Variants in TTLL9 observed in about 807,000 individuals in gnomAD.
The protein encoded by TTLL9 is probable tubulin polyglutamylase TTLL9.
A neutral mutation model predicts 65.6 loss-of-function variants in TTLL9; 47 were observed. The observed-to-expected ratio is 0.72, with a 90% CI of 0.57 to 0.91. The LOEUF is 0.91. TTLL9 is among the 40% of genes least tolerant of loss of function. The pLI is 0.00. For synonymous variants in TTLL9, 179 were observed against 204.8 expected, an observed-to-expected ratio of 0.87 and a Z score of 1.07; for missense variants, 537 against 568.8, an observed-to-expected ratio of 0.94 and a Z score of 0.57.
chr20:31,884,218 A>ATTAT (rs138716259), intron 2 of TTLL9: 15 of 386,550 alleles, frequency 3.9e-5, no homozygotes, highest in East Asian at 7.6e-5. Context: ...CCTTATAGTT[A>ATTAT]TTATTTATTT....
intron 4 of TTLL9, among the ~76,000 whole-genome samples, chr20:31,899,472 A>AT (rs199979209): frequency 0.036 from 5,523 of 152,140 alleles, 176 homozygotes; most frequent in Admixed American, 0.086. Flanking sequence ...TCTACAAAAA[A>AT]TTTTTTAAAA....
At chr20:31,919,747 A>T in intron 6 of TTLL9, 117 bp from the exon 7 acceptor site, 1 of 737,334 alleles carries the variant, frequency 1.4e-6, no homozygotes, top group Non-Finnish European at 2.1e-6. Context: ...CTCTGGGGAG[A>T]GTTGGGGGTT....
At chr20:31,884,713 C>CA (rs1262520165) in intron 2 of TTLL9, among the ~76,000 whole-genome samples, 2 of 152,242 alleles carry the variant, frequency 1.3e-5, no homozygotes, top group African/African-American at 4.8e-5. Flanking sequence ...GTGACTCTGA[C>CA]ACTCTGACAT....
At chr20:31,875,412 C>A (rs937682578) in intron 2 of TTLL9, among the ~76,000 whole-genome samples, 1 of 151,446 alleles carries the variant, frequency 6.6e-6, no homozygotes, top group Non-Finnish European at 1.5e-5. Context: ...GCTATGTTTC[C>A]ACATCTGTGA....
chr20:31,896,152 A>G (rs2063384816), intron 3 of TTLL9, among the ~76,000 whole-genome samples: 1 of 151,612 alleles, frequency 6.6e-6, no homozygotes, highest in Non-Finnish European at 1.5e-5. Flanking sequence ...ATTTTTTTGT[A>G]TTTTTAGTAG....
intron 6 of TTLL9, among the ~76,000 whole-genome samples, chr20:31,914,601 A>G (rs2063706110): frequency 6.6e-6 from 1 of 152,246 alleles, no homozygotes; most frequent in East Asian, 1.9e-4. Context: ...GCTGGTGAGA[A>G]AAAATGGGGA....
At chr20:31,890,154 C>CCTTCTTTCTTTCTTTCTTTCTTTCT (rs2063281123) in intron 3 of TTLL9, among the ~76,000 whole-genome samples, 1 of 13,578 alleles carries the variant, frequency 7.4e-5, no homozygotes, top group Non-Finnish European at 1.3e-4. Flanking sequence ...TCCTTCCTTC[C>CCTTCTTTCTTTCTTTCTTTCTTTCT]TTCTTTCTTT....
At chr20:31,924,244 C>T (rs1240661377) in intron 8 of TTLL9, among the ~76,000 whole-genome samples, 1 of 152,162 alleles carries the variant, frequency 6.6e-6, no homozygotes, top group Non-Finnish European at 1.5e-5. Context: ...TTCACTCCAC[C>T]CCAACGTGGC....
intron 2 of TTLL9, chr20:31,879,462 C>T (rs940736507): frequency 5.3e-6 from 1 of 188,608 alleles, no homozygotes; most frequent in East Asian, 1.4e-4. Context: ...GCCGCGTTAC[C>T]GACTGACCAA....
chr20:31,871,110 T>A lies in TTLL9; in HGVS notation c.-5-12T>A. ...CCTCTCACTCCTTCCTTCCATCCATTTCGGCCCCTAGGAGGGATGGTGCCA... is the reference window on the plus strand; with the variant it reads ...CCTCTCACTCCTTCCTTCCATCCATATCGGCCCCTAGGAGGGATGGTGCCA... On this transcript the variant is annotated splice_polypyrimidine_tract_variant and intron_variant, in intron 1 of 14. Transcript: ENST00000535842. 6.2e-7 allele frequency: 1 copy of A among 1,613,534 alleles called. No homozygotes were observed. The highest frequency in any genetic ancestry group is 8.5e-7 in the Non-Finnish European group (1 of 1,179,580).
intron 12 of TTLL9, among the ~76,000 whole-genome samples, chr20:31,935,292 C>T (rs550745840): frequency 6.6e-6 from 1 of 152,330 alleles, no homozygotes; most frequent in African/African-American, 2.4e-5. Context: ...CTTTGATCCA[C>T]TCCCAAGATG....
rs2064057770 is a variant in TTLL9 at position 31,933,739 on chromosome 20, T to C, written c.749-61T>C. 5.2e-6 allele frequency: 8 copies of C among 1,549,084 alleles called. No homozygotes were observed. In the East Asian group the frequency reaches 6.8e-5, roughly 13 times the overall value. ...CAATTCTCAGTTCAGTCCTGGGGAC[T>C]TCGTGGGGCAGAGCTCACCCTTTTT... On this transcript the variant is annotated intron_variant, in intron 10 of 14. Transcript: ENST00000535842.
Position 31,910,234 on chromosome 20 carries a change from G to A in TTLL9, c.504+312G>A, listed in dbSNP as rs373831467. ...ACCCCAGTCCTCATAGTGACCCTCGGGGGAGGGATCAACAGCCCCATTTTA... is the reference window on the plus strand; with the variant it reads ...ACCCCAGTCCTCATAGTGACCCTCGAGGGAGGGATCAACAGCCCCATTTTA... On this transcript the variant is annotated intron_variant, in intron 6 of 14. Coordinates refer to ENST00000535842, the MANE Select transcript of TTLL9 (RefSeq NM_001008409.5). Among the ~76,000 whole-genome samples the A allele has an allele frequency of 2.8e-4, 43 of 152,304 alleles. No individual in the cohort carries two copies. In the South Asian group the frequency reaches 3.9e-3, roughly 14 times the overall value.
rs141502300 is a variant in TTLL9 at position 31,927,128 on chromosome 20, A to ATC, written c.748+1049_748+1050dup. 2.1e-4 allele frequency among the ~76,000 whole-genome samples: 32 copies of ATC among 149,022 alleles called. No individual in the cohort carries two copies. In the East Asian group the frequency reaches 2.9e-3, roughly 14 times the overall value. On this transcript the variant is annotated intron_variant, in intron 10 of 14. Transcript: ENST00000535842. ...AGACTGTATGTCAAAAAAAAAAAAA[A>ATC]TCTCTCTCTCTCTGTCTATATATAT...
At chr20:31,940,715 T>C (rs918850019) in intron 14 of TTLL9, 2 of 152,266 alleles carry the variant, frequency 1.3e-5, no homozygotes, top group Non-Finnish European at 2.9e-5. Flanking sequence ...TGGGGGTTGA[T>C]ACTGGCTGTC....
rs201987763 is a variant in TTLL9 at position 31,922,966 on chromosome 20, A to G, written c.577A>G (p.Thr193Ala). Residue 193 changes from threonine (T) to alanine (A), a missense_variant, in exon 8 of 15, where the codon ACA (threonine) becomes GCA (alanine). This residue lies in a region of TTLL9 where 320 missense variants were observed against 311.0 expected (regional missense o/e 1.03). Transcript: ENST00000535842. Reference protein sequence around the residue: ...LKDIVDWRKDTRSSDDQKDDI... With the variant: ...LKDIVDWRKDARSSDDQKDDI... The stretch of plus-strand genomic sequence containing the variant: ...TTATTATTATTATTACAACTAGGAC[A>G]CAAGAAGCTCTGACGACCAGAAAGA... 77 of 1,612,006 alleles carry G rather than the reference A, an allele frequency of 4.8e-5. No homozygotes were observed. The Admixed American group carries it at 1.2e-3, about 26-fold the overall frequency.
At chr20:31,893,924 C>T (rs774890619) in intron 3 of TTLL9, among the ~76,000 whole-genome samples, 6 of 152,094 alleles carry the variant, frequency 3.9e-5, no homozygotes, top group Admixed American at 6.6e-5. Context: ...TCACGAGTCA[C>T]TGAGGTTCTG....
chr20:31,870,973 C>T lies in TTLL9; in HGVS notation c.-6+24C>T. Reference sequence around the variant, plus strand: ...AAGTGGGTAATTCCTTCCGATACATCCTCTCCACCCGTGCAGAGACACCCT... The same window carrying T: ...AAGTGGGTAATTCCTTCCGATACATTCTCTCCACCCGTGCAGAGACACCCT... On this transcript the variant is annotated intron_variant, in intron 1 of 14. Coordinates refer to ENST00000535842, the MANE Select transcript of TTLL9 (RefSeq NM_001008409.5). The surrounding 1 kb of genome is among the most constrained non-coding windows in gnomAD (Gnocchi z 6.6). 2.7e-6 allele frequency: 2 copies of T among 743,716 alleles called. No homozygotes were observed. Among genetic ancestry groups the T allele is most frequent in the Non-Finnish European group, 2.4e-6 (1 of 412,472 alleles). The allele number at this position is 743,716 out of a possible 1,614,324, so 46.1% of individuals were successfully genotyped here.
At position 31,871,133 on chromosome 20, in the gene TTLL9, C is replaced by T. The variant is rs2062922988; in HGVS notation, c.7C>T (p.Pro3Ser). 6.2e-7 allele frequency: 1 copy of T among 1,614,070 alleles called. No individual in the cohort carries two copies. Among genetic ancestry groups the T allele is most frequent in the East Asian group, 2.2e-5 (1 of 44,872 alleles). Reference protein sequence around the residue: MVPSREALLGPGT... With the variant: MVSSREALLGPGT... ...ATTTCGGCCCCTAGGAGGGATGGTGCCATCCAGGGAAGCTCTGCTGGGACC... is the reference window on the plus strand; with the variant it reads ...ATTTCGGCCCCTAGGAGGGATGGTGTCATCCAGGGAAGCTCTGCTGGGACC... The change falls in exon 2 of 15, where the codon CCA becomes TCA. Residue 3 changes from proline (P) to serine (S), a missense_variant. This residue lies in a region of TTLL9 where 320 missense variants were observed against 311.0 expected (regional missense o/e 1.03). Coordinates refer to ENST00000535842, the MANE Select transcript of TTLL9 (RefSeq NM_001008409.5).
Sources: allele counts gnomAD v4.1 joint callset (sites outside exome capture counted in the v4.1 genomes callset), GRCh38; gene constraint gnomAD v4.1.1; regional missense constraint gnomAD v4.1.1; non-coding constraint Gnocchi (gnomAD v3.1); transcripts MANE v1.5; gene names NCBI Gene and HGNC (gene_info 2026-07-23, HGNC 2026-07-21).